Variants in GRIP1 observed in about 807,000 individuals in gnomAD.
GRIP1 encodes glutamate receptor interacting protein 1.
Under a neutral mutation model 129.9 loss-of-function variants are expected in GRIP1, and 45 were observed. That is an observed-to-expected ratio of 0.35 (90% CI 0.27 to 0.44). GRIP1 has a LOEUF of 0.44. Ranked by LOEUF, GRIP1 falls within the 20% of genes least tolerant of loss-of-function variation. GRIP1 has a pLI of 1.00. For synonymous variants in GRIP1, 530 were observed against 520.8 expected (o/e 1.02, Z -0.24); for missense variants, 1,196 against 1,396.8 (o/e 0.86, Z 2.29).
At chr12:66,929,577 C>A (rs1167361293) in intron 1 of GRIP1, among the ~76,000 whole-genome samples, 1 of 152,140 alleles carries the variant, frequency 6.6e-6, no homozygotes, top group Admixed American at 6.6e-5. Flanking sequence ...GAATACCCTA[C>A]ACTCTCATAT....
intron 1 of GRIP1, among the ~76,000 whole-genome samples, chr12:66,829,146 A>G (rs2039471035): frequency 6.6e-6 from 1 of 152,188 alleles, no homozygotes; most frequent in Non-Finnish European, 1.5e-5. Context: ...TGAGAAAAGG[A>G]GCTTGTCTTG....
chr12:66,437,711 G>T (rs188232159), intron 13 of GRIP1, among the ~76,000 whole-genome samples: 6 of 152,194 alleles, frequency 3.9e-5, no homozygotes, highest in Admixed American at 3.9e-4. Flanking sequence ...AGACTAAATT[G>T]TGCTGGTAAT....
At chr12:66,568,737 C>G (rs1188631738) in intron 2 of GRIP1, 1 of 233,504 alleles carries the variant, frequency 4.3e-6, no homozygotes, top group Admixed American at 5.3e-5. Context: ...TTTAGAGAAG[C>G]CATTGACATG....
chr12:66,488,027 G>C (rs1241361459), intron 7 of GRIP1, among the ~76,000 whole-genome samples: 2 of 152,244 alleles, frequency 1.3e-5, no homozygotes, highest in Non-Finnish European at 2.9e-5. Context: ...CACAGTAATA[G>C]TGGGAGATTT....
chr12:66,789,921 T>A (rs1008026541), intron 1 of GRIP1, among the ~76,000 whole-genome samples: 34 of 152,208 alleles, frequency 2.2e-4, no homozygotes, highest in African/African-American at 7.2e-4. Context: ...GGAGAAAAAA[T>A]TTTATTTGAT....
In GRIP1 at chr12:66,449,538, C is replaced by T. The variant is rs543973262; in HGVS notation, c.1355-4030G>A. On this transcript the variant is annotated intron_variant, in intron 11 of 24. Transcript: ENST00000359742. ...GCCTGCAGTGGGGGGTGAAGATAGC[C>T]TCCAACCCTACGCTTCTTACAGGTG... Among the ~76,000 whole-genome samples, 9 of 152,276 alleles carry T rather than the reference C, an allele frequency of 5.9e-5. No individual in the cohort carries two copies. The East Asian group carries it at 1.4e-3, about 23-fold the overall frequency.
intron 24 of GRIP1, among the ~76,000 whole-genome samples, chr12:66,351,358 T>C (rs927396299): frequency 6.6e-6 from 1 of 152,200 alleles, no homozygotes; most frequent in Non-Finnish European, 1.5e-5. Context: ...AGAAATCTGC[T>C]TTCCTAAATA....
chr12:67,069,013 C>A, intron 1 of GRIP1: 6 of 909,170 alleles, frequency 6.6e-6, no homozygotes, highest in Non-Finnish European at 7.9e-6. Context: ...CGGCCCGGAC[C>A]CCTGCCCTCC....
At chr12:66,666,871 T>C (rs1592720672) in intron 1 of GRIP1, among the ~76,000 whole-genome samples, 1 of 152,012 alleles carries the variant, frequency 6.6e-6, no homozygotes. Context: ...TTCTCAAACA[T>C]TGAAACCTTT....
intron 1 of GRIP1, among the ~76,000 whole-genome samples, chr12:67,002,568 C>G (rs2042566836): frequency 1.3e-5 from 2 of 152,162 alleles, no homozygotes; most frequent in African/African-American, 4.8e-5. Flanking sequence ...CTAAAATTCT[C>G]TAATCCATTT....
chr12:66,917,980 A>ACACG (rs1408012785), intron 1 of GRIP1, among the ~76,000 whole-genome samples: 1 of 151,236 alleles, frequency 6.6e-6, no homozygotes, highest in East Asian at 1.9e-4. Context: ...ACACACGGAG[A>ACACG]GAGAGAGAGA....
At chr12:66,975,459 T>C (rs1017036675) in intron 1 of GRIP1, among the ~76,000 whole-genome samples, 16 of 152,234 alleles carry the variant, frequency 1.1e-4, no homozygotes, top group African/African-American at 3.9e-4. Context: ...ATAGCAAATT[T>C]GTGTGCGTGA....
chr12:66,480,597 T>G (rs921033077), intron 7 of GRIP1, among the ~76,000 whole-genome samples: 3 of 152,186 alleles, frequency 2.0e-5, no homozygotes, highest in Non-Finnish European at 4.4e-5. Context: ...AGAGCCCATA[T>G]AGCCAAGACA....
intron 1 of GRIP1, among the ~76,000 whole-genome samples, chr12:67,051,997 G>T (rs1013015889): frequency 6.6e-6 from 1 of 152,162 alleles, no homozygotes; most frequent in Admixed American, 6.5e-5. Context: ...GTGACTTAAA[G>T]AGCCTGAGGT....
chr12:66,847,703 G>T (rs2039843140), intron 1 of GRIP1, among the ~76,000 whole-genome samples: 2 of 152,064 alleles, frequency 1.3e-5, no homozygotes, highest in South Asian at 2.1e-4. Flanking sequence ...CTGTTCCTAG[G>T]AACTTTATGA....
chr12:67,006,013 T>C lies in GRIP1; in HGVS notation c.58+63037A>G, dbSNP rs143869187. On this transcript the variant is annotated intron_variant, in intron 1 of 1. Transcript: ENST00000643019. ...TGAACTTCCATGCATAATATCCACA[T>C]ACCAGCTCCTTGGCTTTTCAAAGGT... is the stretch of plus-strand genomic sequence containing the variant. Among the ~76,000 whole-genome samples the C allele has an allele frequency of 5.6e-3, 847 of 152,298 alleles. 14 individuals are homozygous for C. Among genetic ancestry groups the C allele is most frequent in the African/African-American group, 0.02 (816 of 41,574 alleles).
At chr12:66,856,837 T>C (rs2137099961) in intron 1 of GRIP1, among the ~76,000 whole-genome samples, 1 of 151,964 alleles carries the variant, frequency 6.6e-6, no homozygotes, top group Admixed American at 6.6e-5. Context: ...GATCTAGAAC[T>C]AGAAATACCA....
intron 2 of GRIP1, among the ~76,000 whole-genome samples, chr12:66,584,278 G>C (rs1173366232): frequency 6.6e-6 from 1 of 151,074 alleles, no homozygotes; most frequent in Non-Finnish European, 1.5e-5. Context: ...GAGGTGGGAG[G>C]GATAGCATTG....
At chr12:66,920,857 G>A (rs567317658) in intron 1 of GRIP1, among the ~76,000 whole-genome samples, 2 of 152,290 alleles carry the variant, frequency 1.3e-5, no homozygotes, top group African/African-American at 4.8e-5. Flanking sequence ...GCCAAATAAT[G>A]GGAATGCAAT....
Sources: gnomAD v4.1 joint callset for allele counts (sites outside exome capture counted in the v4.1 genomes callset) on GRCh38, gnomAD v4.1.1 for gene constraint, MANE v1.5 for transcripts, NCBI Gene and HGNC (gene_info 2026-07-23, HGNC 2026-07-21) for gene names.